The following SMAD4 variants were observed in gnomAD, a reference collection of about 807,000 sequenced individuals.
SMAD4 encodes MAD homolog 4.
Under a neutral mutation model 63.2 loss-of-function variants are expected in SMAD4, and 7 were observed. The observed-to-expected ratio is 0.11, with a 90% confidence interval of 0.06 to 0.21. The LOEUF (loss-of-function observed/expected upper bound fraction) is 0.21, where lower values mean the gene tolerates loss of function less well. Among genes scored for constraint, SMAD4 ranks in the 10% least tolerant of loss-of-function variants. The pLI, the probability that SMAD4 is intolerant of heterozygous loss-of-function variation, is 1.00. For synonymous variants in SMAD4, 215 were observed against 235.4 expected (o/e 0.91, Z 0.79); for missense variants, 312 against 693.8 (o/e 0.45, Z 6.18).
chr18:51,049,194 T>C (rs1909633913), intron 3 of SMAD4, 101 bp from the exon 4 acceptor site: 2 of 913,494 alleles, frequency 2.2e-6, no homozygotes, highest in Admixed American at 2.0e-5. Context: ...TCATGAACTT[T>C]TGTAATCTTT....
chr18:51,080,362 C>T lies in SMAD4; in HGVS notation c.*1895C>T, dbSNP rs1910581205. The T allele has an allele frequency of 4.3e-6, 1 of 231,640 alleles. No homozygotes were observed. Among genetic ancestry groups the T allele is most frequent in the Non-Finnish European group, 8.5e-6 (1 of 117,216 alleles). 14.3% of individuals were successfully genotyped at this position (231,640 alleles called of 1,614,324 possible). ...CTTTCAGTAAACACCTAATTTTCTT[C>T]TGTAAAAGTTTGGTGATTTAAGTTT... On this transcript the variant is annotated 3_prime_UTR_variant, in exon 12 of 12. Transcript: ENST00000342988.
chr18:51,073,929 C>T (rs1007853640), intron 10 of SMAD4, among the ~76,000 whole-genome samples: 15 of 152,086 alleles, frequency 9.9e-5, no homozygotes, highest in African/African-American at 3.1e-4. Flanking sequence ...AACACTTCTG[C>T]TCTGTGAAAG....
At position 51,030,412 on chromosome 18, in the gene SMAD4, G is replaced by C. The variant is rs1338237429; in HGVS notation, c.-339G>C. ...GTGAGGGGAGCCAGGCGCCCAGCGA[G>C]AGAGGCCCCCCGCCGCAGGGCGGCC... On this transcript the variant is annotated 5_prime_UTR_variant, in exon 1 of 12. Transcript: ENST00000342988. 2 of 151,388 alleles carry C rather than the reference G, an allele frequency of 1.3e-5. No homozygotes were observed. The highest frequency in any genetic ancestry group is 4.9e-5 in the African/African-American group (2 of 41,216). The allele number at this position is 151,388 out of a possible 1,614,324, so 9.4% of individuals were successfully genotyped here. A position where few individuals can be genotyped will look rare whatever the true frequency, so the allele number is the denominator to read the frequency against.
chr18:51,048,873 T>G lies in SMAD4; in HGVS notation c.424+13T>G. Reference sequence around the variant, plus strand: ...TCACCTGGAATTGGTAAGTAGACTTTGCTTTCATCCTAAGAAACATAAAGG... The same window carrying G: ...TCACCTGGAATTGGTAAGTAGACTTGGCTTTCATCCTAAGAAACATAAAGG... On this transcript the variant is annotated intron_variant, in intron 3 of 11. Transcript: ENST00000342988. 1 of 1,608,292 alleles carries G rather than the reference T, an allele frequency of 6.2e-7. No individual in the cohort carries two copies. The highest frequency in any genetic ancestry group is 8.5e-7 in the Non-Finnish European group (1 of 1,175,272).
chr18:51,072,581 G>T (rs747651478), intron 10 of SMAD4, among the ~76,000 whole-genome samples: 1 of 152,090 alleles, frequency 6.6e-6, no homozygotes, highest in Non-Finnish European at 1.5e-5. Context: ...GTTAATTTAA[G>T]ATTATATAGT....
rs761125154 is a variant in SMAD4 at position 51,081,803 on chromosome 18, GTATCTT to G, written c.*3338_*3343del. 16 of 232,258 alleles carry G rather than the reference GTATCTT, an allele frequency of 6.9e-5. No homozygotes were observed. The highest frequency in any genetic ancestry group is 1.0e-4 in the Non-Finnish European group (12 of 117,598). 14.4% of individuals were successfully genotyped at this position (232,258 alleles called of 1,614,324 possible). On this transcript the variant is annotated 3_prime_UTR_variant, in exon 12 of 12. Transcript: ENST00000342988. ...CTAATTGTAGGAAGGTGAGTTGCAG[GTATCTT>G]TGACTATGGTCATCTGGGGAAGGAA...
At chr18:51,036,057 A>G (rs928554333) in intron 1 of SMAD4, among the ~76,000 whole-genome samples, 2 of 152,038 alleles carry the variant, frequency 1.3e-5, no homozygotes, top group East Asian at 3.9e-4. Context: ...GCCCTCTATA[A>G]CCTTCAACTT....
intron 1 of SMAD4, among the ~76,000 whole-genome samples, chr18:51,034,177 G>A (rs1398011437): frequency 6.6e-6 from 1 of 151,336 alleles, no homozygotes; most frequent in African/African-American, 2.4e-5. Context: ...AATGTTTAGG[G>A]CAACGGTCTT....
At position 51,080,382 on chromosome 18, in the gene SMAD4, A is replaced by ACCCC. The variant is rs1272709474; in HGVS notation, c.*1915_*1916insCCCC. On this transcript the variant is annotated 3_prime_UTR_variant, in exon 12 of 12. Coordinates refer to ENST00000342988, the MANE Select transcript of SMAD4 (RefSeq NM_005359.6). ...TTCTTCTGTAAAAGTTTGGTGATTT[A>ACCCC]AGTTTTATTGGCAGTTTTATAAAAA... 3.0e-5 allele frequency: 7 copies of ACCCC among 231,594 alleles called. No homozygotes were observed. Among genetic ancestry groups the ACCCC allele is most frequent in the Admixed American group, 5.6e-5 (1 of 17,738 alleles). 14.3% of individuals were successfully genotyped at this position (231,594 alleles called of 1,614,324 possible). A position where few individuals can be genotyped will look rare whatever the true frequency, so the allele number is the denominator to read the frequency against.
At chr18:51,068,765 T>A (rs1910238409) in intron 10 of SMAD4, among the ~76,000 whole-genome samples, 1 of 151,600 alleles carries the variant, frequency 6.6e-6, no homozygotes, top group African/African-American at 2.4e-5. Context: ...ACAAAAAAAT[T>A]AAAAAATTAG....
chr18:51,069,354 A>C (rs1183251704), intron 10 of SMAD4, among the ~76,000 whole-genome samples: 1 of 152,134 alleles, frequency 6.6e-6, no homozygotes, highest in African/African-American at 2.4e-5. Flanking sequence ...ACCTCAAGTG[A>C]TCAGCCCAAC....
intron 1 of SMAD4, among the ~76,000 whole-genome samples, chr18:51,043,877 G>T (rs1568202028): frequency 6.6e-6 from 1 of 152,140 alleles, no homozygotes; most frequent in South Asian, 2.1e-4. Flanking sequence ...CTTCTAATTT[G>T]TTGTAAGACA....
Position 51,073,389 on chromosome 18 carries a change from A to ATATATATAT in SMAD4, c.1309-3249_1309-3248insTATATATAT, listed in dbSNP as rs1568210358. ...TATATATATATATATATATATATATACACACACACACACACACACACACAC... is the reference window on the plus strand; with the variant it reads ...TATATATATATATATATATATATATATATATATATCACACACACACACACACACACACAC... On this transcript the variant is annotated intron_variant, in intron 10 of 11. Coordinates refer to ENST00000342988, the MANE Select transcript of SMAD4 (RefSeq NM_005359.6). 6.2e-4 allele frequency among the ~76,000 whole-genome samples: 25 copies of ATATATATAT among 40,610 alleles called. 1 individual carries two copies. Among genetic ancestry groups the ATATATATAT allele is most frequent in the Non-Finnish European group, 1.1e-3 (25 of 22,978 alleles). 26.6% of individuals were successfully genotyped at this position (40,610 alleles called of 152,430 possible). A position where few individuals can be genotyped will look rare whatever the true frequency, so the allele number is the denominator to read the frequency against.
chr18:51,052,286 C>G (rs1909732838), intron 4 of SMAD4: 1 of 152,384 alleles, frequency 6.6e-6, no homozygotes, highest in African/African-American at 2.4e-5. Flanking sequence ...ATTATTTATA[C>G]TTTAACAGAT....
rs188424006 is a variant in SMAD4, at chr18:51,037,828, A to G, written c.-128+7205A>G. On this transcript the variant is annotated intron_variant, in intron 1 of 11. Transcript: ENST00000342988. ...CAGGTAATTCCTTGGAAATGAATAAAGTGAGCTGGCCACTTCGAGGAGAAC... is the reference window on the plus strand; with the variant it reads ...CAGGTAATTCCTTGGAAATGAATAAGGTGAGCTGGCCACTTCGAGGAGAAC... 1.6e-3 allele frequency among the ~76,000 whole-genome samples: 246 copies of G among 152,330 alleles called. 1 individual carries two copies. The highest frequency in any genetic ancestry group is 0.01 in the Middle Eastern group (3 of 294).
chr18:51,066,157 G>A (rs1234392166), intron 9 of SMAD4, among the ~76,000 whole-genome samples: 1 of 152,012 alleles, frequency 6.6e-6, no homozygotes, highest in African/African-American at 2.4e-5. Context: ...TTCGAGACCA[G>A]CCTGGCCAAC....
At chr18:51,047,879 CATTACAGGCGTGAGCCACTGTG>C (rs1302050402) in intron 2 of SMAD4, among the ~76,000 whole-genome samples, 1 of 152,168 alleles carries the variant, frequency 6.6e-6, no homozygotes, top group African/African-American at 2.4e-5. Flanking sequence ...AGAATTCTGG[CATTACAGGCGTGAGCCACTGTG>C]CCCAGTCGTG....
At chr18:51,063,246 G>T (rs1185028143) in intron 8 of SMAD4, among the ~76,000 whole-genome samples, 1 of 151,932 alleles carries the variant, frequency 6.6e-6, no homozygotes, top group Non-Finnish European at 1.5e-5. Flanking sequence ...TGTTGTTACT[G>T]TTTTTTGTTG....
chr18:51,063,415 ATTTTT>A (rs1169420923), intron 8 of SMAD4, among the ~76,000 whole-genome samples: 2 of 151,424 alleles, frequency 1.3e-5, no homozygotes, highest in Non-Finnish European at 2.9e-5. Flanking sequence ...ATATATATAT[ATTTTT>A]TTAAATTTTT....
Sources: gnomAD v4.1 joint callset for allele counts (sites outside exome capture counted in the v4.1 genomes callset) on GRCh38, gnomAD v4.1.1 for gene constraint, MANE v1.5 for transcripts, NCBI Gene and HGNC (gene_info 2026-07-23, HGNC 2026-07-21) for gene names.